DNAJC4: variants seen among roughly 807,000 people sequenced by gnomAD.
The protein encoded by DNAJC4 is dnaJ homolog subfamily C member 4.
In DNAJC4, 26 loss-of-function variants were observed where a neutral mutation model predicts 26.8. The ratio of observed to expected loss-of-function variants is 0.97; its 90% CI spans 0.71 to 1.34. DNAJC4 has a LOEUF of 1.34. Ranked by LOEUF, DNAJC4 falls within the 40% of genes most tolerant of loss-of-function variation. DNAJC4 has a pLI of 0.00. For missense variants in DNAJC4, 342 were observed against 321.1 expected, an observed-to-expected ratio of 1.07 and a Z score of -0.50; for synonymous variants, 134 against 127.8, an observed-to-expected ratio of 1.05 and a Z score of -0.33.
Position 64,232,835 on chromosome 11 carries a change from C to A in DNAJC4, c.497C>A (p.Ala166Glu), listed in dbSNP as rs373704240. ...GGGTACTGCCTCCTCCTCATGCTGG[C>A]GGGCATGGGCCTGCACTACATTGCC... ...VLGYCLLLML[A>E]GMGLHYIAFR... The change falls in exon 4 of 6, where the codon GCG becomes GAG. Residue 166 changes from alanine (A) to glutamate (E), a missense_variant. By Grantham distance (107) the Ala-to-Glu change is moderately radical (BLOSUM62 -1). Coordinates refer to ENST00000628077, the MANE Select transcript of DNAJC4 (RefSeq NM_005528.4). The A allele has an allele frequency of 1.2e-6, 2 of 1,607,758 alleles. No homozygotes were observed. Among genetic ancestry groups the A allele is most frequent in the Admixed American group, 1.7e-5 (1 of 59,460 alleles).
rs769617741 is a variant in DNAJC4 at position 64,230,566 on chromosome 11, C to T, written c.-289C>T. The T allele has an allele frequency of 1.7e-6, 1 of 602,618 alleles. No individual in the cohort carries two copies. 37.3% of individuals were successfully genotyped at this position (602,618 alleles called of 1,614,324 possible). On this transcript the variant is annotated 5_prime_UTR_variant, in exon 1 of 6. Transcript: ENST00000628077. ...TTGTGGCCCCTCCTTCTCCCGTCCCCAAGTTCCCTGGGTGGGAACGGGGTC... is the reference window on the plus strand; with the variant it reads ...TTGTGGCCCCTCCTTCTCCCGTCCCTAAGTTCCCTGGGTGGGAACGGGGTC...
intron 1 of DNAJC4, 117 bp from the exon 2 acceptor site, chr11:64,231,754 C>A: frequency 1.2e-6 from 1 of 844,230 alleles, no homozygotes; most frequent in Non-Finnish European, 2.0e-6. Flanking sequence ...TGTCCTGGGA[C>A]CTGTTTCAGC....
At chr11:64,233,038 G>C (rs912009134) in intron 4 of DNAJC4, 173 bp downstream of exon 4, 1 of 584,752 alleles carries the variant, frequency 1.7e-6, no homozygotes. Context: ...AGGCAGCGCT[G>C]CACCAAGAGC....
rs1008773609 is a variant in DNAJC4, at chr11:64,234,177, G to A, written c.719G>A (p.Gly240Asp). 10 of 1,560,210 alleles carry A rather than the reference G, an allele frequency of 6.4e-6. No homozygotes were observed. The African/African-American group carries it at 1.3e-4, about 21-fold the overall frequency. Residue 240 changes from glycine (G) to aspartate (D), a missense_variant, in exon 6 of 6, where the codon GGC becomes GAC. By Grantham distance (94) the Gly-to-Asp change is moderately conservative (BLOSUM62 -1). Transcript: ENST00000628077. The surrounding 1 kb of genome is among the most constrained non-coding windows in gnomAD (Gnocchi z 5.3). Reference sequence around the variant, plus strand: ...CCCGAGATCGTGCCCCGGGGCGCCGGCCCCTGAGGGGCTCACCTGGATGGG... The same window carrying A: ...CCCGAGATCGTGCCCCGGGGCGCCGACCCCTGAGGGGCTCACCTGGATGGG... ...QGPEIVPRGA[G>D]P
chr11:64,231,574 C>A, intron 1 of DNAJC4: 1 of 302,922 alleles, frequency 3.3e-6, no homozygotes, highest in Non-Finnish European at 6.3e-6. Flanking sequence ...CTCCCGACCT[C>A]AGGTGATCCG....
At position 64,230,769 on chromosome 11, in the gene DNAJC4, C is replaced by T. The variant is rs756767655; in HGVS notation, c.-86C>T. 3 of 1,517,016 alleles carry T rather than the reference C, an allele frequency of 2.0e-6. No individual in the cohort carries two copies. The highest frequency in any genetic ancestry group is 2.7e-6 in the Non-Finnish European group (3 of 1,124,462). The allele number at this position is 1,517,016 out of a possible 1,614,324, so 94.0% of individuals were successfully genotyped here. On this transcript the variant is annotated 5_prime_UTR_variant, in exon 1 of 6. Coordinates refer to ENST00000628077, the MANE Select transcript of DNAJC4 (RefSeq NM_005528.4). Reference sequence around the variant, plus strand: ...CAGAACAACGGGCCAGGCCCCTTCCCTCTGCCCCCGGGTGCTTGAAGTCTA... The same window carrying T: ...CAGAACAACGGGCCAGGCCCCTTCCTTCTGCCCCCGGGTGCTTGAAGTCTA...
At position 64,230,860 on chromosome 11, in the gene DNAJC4, G is replaced by A; in HGVS notation, c.6G>A (p.Pro2=). Residue 2 remains proline (P), a synonymous_variant, in exon 1 of 6, where the codon CCG becomes CCA. Transcript: ENST00000628077. M[P]PLLPLRLCRL... ...CCAGCTGCCCGCCCGCCGCCATGCCGCCCTTACTGCCCCTGCGCCTGTGCC... is the reference window on the plus strand; with the variant it reads ...CCAGCTGCCCGCCCGCCGCCATGCCACCCTTACTGCCCCTGCGCCTGTGCC... The A allele has an allele frequency of 6.3e-7, 1 of 1,599,724 alleles. No individual in the cohort carries two copies. The highest frequency in any genetic ancestry group is 8.5e-7 in the Non-Finnish European group (1 of 1,175,400).
chr11:64,233,831 A>C (rs979646407), intron 4 of DNAJC4, 63 bp from the exon 5 acceptor site: 5 of 1,583,824 alleles, frequency 3.2e-6, no homozygotes, highest in Non-Finnish European at 3.4e-6. Context: ...GTGGGGTGGA[A>C]GGGGGCAGGA....
At chr11:64,232,344 T>C in intron 2 of DNAJC4, 86 bp from the exon 3 acceptor site, 1 of 1,465,032 alleles carries the variant, frequency 6.8e-7, no homozygotes, top group South Asian at 1.4e-5. Context: ...TGGGTATGAC[T>C]GGAGCCCTGG....
Position 64,232,357 on chromosome 11 carries a change from G to A in DNAJC4, c.181-73G>A, listed in dbSNP as rs569419878. 4 of 1,489,620 alleles carry A rather than the reference G, an allele frequency of 2.7e-6. No homozygotes were observed. The Admixed American group carries it at 6.7e-5, about 25-fold the overall frequency. 92.3% of individuals were successfully genotyped at this position (1,489,620 alleles called of 1,614,324 possible). ...TCTGGGTATGACTGGAGCCCTGGTG[G>A]GTGGATGTCATCAGCATGGGTCCTG... On this transcript the variant is annotated intron_variant, in intron 2 of 5. Transcript: ENST00000628077.
At chr11:64,230,998 T>C (rs1235160337) in intron 1 of DNAJC4, 58 bp downstream of exon 1, 2 of 1,530,748 alleles carry the variant, frequency 1.3e-6, no homozygotes, top group African/African-American at 2.7e-5. Flanking sequence ...TTGCCCTACG[T>C]GCTGAGTTAG....
Position 64,230,584 on chromosome 11 carries a change from A to C in DNAJC4, c.-271A>C. On this transcript the variant is annotated 5_prime_UTR_variant, in exon 1 of 6. Coordinates refer to ENST00000628077, the MANE Select transcript of DNAJC4 (RefSeq NM_005528.4). ...CCGTCCCCAAGTTCCCTGGGTGGGAACGGGGTCTTGGGGTCCCTGGCTGGG... is the reference window on the plus strand; with the variant it reads ...CCGTCCCCAAGTTCCCTGGGTGGGACCGGGGTCTTGGGGTCCCTGGCTGGG... The C allele has an allele frequency of 2.0e-5, 12 of 593,154 alleles. No individual in the cohort carries two copies. The highest frequency in any genetic ancestry group is 3.1e-5 in the East Asian group (1 of 32,000). The allele number at this position is 593,154 out of a possible 1,614,324, so 36.7% of individuals were successfully genotyped here.
At chr11:64,233,728 A>C in intron 4 of DNAJC4, 166 bp from the exon 5 acceptor site, 1 of 910,786 alleles carries the variant, frequency 1.1e-6, no homozygotes, top group Non-Finnish European at 1.6e-6. Flanking sequence ...TAGACAAGCC[A>C]GGGCCACTCT....
intron 4 of DNAJC4, 157 bp downstream of exon 4, chr11:64,233,022 T>A: frequency 1.3e-6 from 1 of 767,136 alleles, no homozygotes; most frequent in Non-Finnish European, 1.9e-6. Flanking sequence ...TCTCCTTACT[T>A]ATTAAAGGCA....
At chr11:64,233,726 C>T in intron 4 of DNAJC4, 168 bp from the exon 5 acceptor site, 1 of 895,950 alleles carries the variant, frequency 1.1e-6, no homozygotes, top group Non-Finnish European at 1.7e-6. Context: ...CCTAGACAAG[C>T]CAGGGCCACT....
In DNAJC4 at chr11:64,234,155, G is replaced by T. The variant is rs759373519; in HGVS notation, c.697G>T (p.Glu233Ter). Reference protein sequence around the residue: ...PPPSEPTQGPEIVPRGAGP With the variant: ...PPPSEPTQGP ...ACCATCCGAGCCAACCCAAGGCCCC[G>T]AGATCGTGCCCCGGGGCGCCGGCCC... Residue 233 changes from glutamate (E) to a stop codon, truncating the protein, a stop_gained, in exon 6 of 6, where the codon GAG (glutamate) becomes TAG (stop). Coordinates refer to ENST00000628077, the MANE Select transcript of DNAJC4 (RefSeq NM_005528.4). LOFTEE classifies it low-confidence loss of function (END_TRUNC). This position sits in a 1 kb window ranked among gnomAD's most constrained non-coding sequence, Gnocchi z 5.3. The T allele has an allele frequency of 1.3e-6, 2 of 1,586,226 alleles. No homozygotes were observed. The highest frequency in any genetic ancestry group is 1.7e-6 in the Non-Finnish European group (2 of 1,168,762).
intron 4 of DNAJC4, 71 bp from the exon 5 acceptor site, chr11:64,233,823 G>A (rs1947208822): frequency 1.3e-6 from 2 of 1,572,206 alleles, no homozygotes; most frequent in African/African-American, 2.7e-5. Flanking sequence ...CCCCTAGAGT[G>A]GGGTGGAAGG....
At position 64,234,010 on chromosome 11, in the gene DNAJC4, T is replaced by A; in HGVS notation, c.614+30T>A. ...GTCCCTGCTCTATTCTGCTCCCTGC[T>A]CCCTGTCCAGGAACCACACTTCGGG... On this transcript the variant is annotated intron_variant, in intron 5 of 5. Transcript: ENST00000628077. The surrounding 1 kb of genome is among the most constrained non-coding windows in gnomAD (Gnocchi z 5.3). The A allele has an allele frequency of 6.2e-7, 1 of 1,613,980 alleles. No individual in the cohort carries two copies. The highest frequency in any genetic ancestry group is 8.5e-7 in the Non-Finnish European group (1 of 1,180,010).
chr11:64,232,973 T>C lies in DNAJC4; in HGVS notation c.527+108T>C, dbSNP rs929713448. On this transcript the variant is annotated intron_variant, in intron 4 of 5. Coordinates refer to ENST00000628077, the MANE Select transcript of DNAJC4 (RefSeq NM_005528.4). Reference sequence around the variant, plus strand: ...ACCTCGTGGCCCGTACTCTTGTGTCTCTCAAGCTAAGAGCTGCTTGAAGTT... The same window carrying C: ...ACCTCGTGGCCCGTACTCTTGTGTCCCTCAAGCTAAGAGCTGCTTGAAGTT... 7.5e-6 allele frequency: 10 copies of C among 1,326,504 alleles called. No individual in the cohort carries two copies. The Admixed American group carries it at 8.4e-5, about 11-fold the overall frequency. The allele number at this position is 1,326,504 out of a possible 1,614,324, so 82.2% of individuals were successfully genotyped here.
Sources: allele counts gnomAD v4.1 joint callset, GRCh38; gene constraint gnomAD v4.1.1; non-coding constraint Gnocchi (gnomAD v3.1); transcripts MANE v1.5; gene names NCBI Gene and HGNC (gene_info 2026-07-23, HGNC 2026-07-21).